Variants in DNAJC14 observed in about 807,000 individuals in gnomAD.
DNAJC14 encodes the protein dnaJ homolog subfamily C member 14.
A neutral mutation model predicts 68.8 loss-of-function variants in DNAJC14; 12 were observed. The observed-to-expected ratio is 0.17, with a 90% CI of 0.11 to 0.28. DNAJC14 has a LOEUF of 0.28. Ranked by LOEUF, DNAJC14 falls within the 10% of genes least tolerant of loss-of-function variation. The pLI is 1.00. For missense variants in DNAJC14, 764 were observed against 875.6 expected (o/e 0.87, Z 1.61); for synonymous variants, 350 against 321.5 (o/e 1.09, Z -0.95).
chr12:55,829,465 A>T, intron 1 of DNAJC14, 24 bp downstream of exon 1: 1 of 618,194 alleles, frequency 1.6e-6, no homozygotes, highest in Non-Finnish European at 2.0e-6. Context: ...AAAAAAACGA[A>T]AAAAAAAAAA....
At chr12:55,825,564 G>A (rs1453687344) in intron 2 of DNAJC14, among the ~76,000 whole-genome samples, 1 of 89,588 alleles carries the variant, frequency 1.1e-5, no homozygotes, top group African/African-American at 3.8e-5. Flanking sequence ...TTTTTTTTGA[G>A]ACGGTGTCTT....
In DNAJC14 at chr12:55,821,887, G is replaced by T; in HGVS notation, c.*90C>A. Reference sequence around the variant, plus strand: ...TAAAAAGAAAAAGATTCAGTTCCTAGGTGTTGGGGGAGGAGGGATAAATCA... The same window carrying T: ...TAAAAAGAAAAAGATTCAGTTCCTATGTGTTGGGGGAGGAGGGATAAATCA... On this transcript the variant is annotated 3_prime_UTR_variant, in exon 7 of 7. Transcript: ENST00000678005. 1 of 1,315,742 alleles carries T rather than the reference G, an allele frequency of 7.6e-7. No individual in the cohort carries two copies. The highest frequency in any genetic ancestry group is 1.0e-6 in the Non-Finnish European group (1 of 962,478). The allele number at this position is 1,315,742 out of a possible 1,614,324, so 81.5% of individuals were successfully genotyped here. A position where few individuals can be genotyped will look rare whatever the true frequency, so the allele number is the denominator to read the frequency against.
intron 2 of DNAJC14, among the ~76,000 whole-genome samples, chr12:55,825,346 C>T (rs1880765131): frequency 6.6e-6 from 1 of 152,078 alleles, no homozygotes; most frequent in Non-Finnish European, 1.5e-5. Flanking sequence ...CAGCTCCATA[C>T]ACTCCAGTGT....
intron 2 of DNAJC14, among the ~76,000 whole-genome samples, chr12:55,826,271 C>CTTTTTTTTT (rs1164806475): frequency 3.5e-5 from 3 of 85,798 alleles, no homozygotes; most frequent in African/African-American, 4.9e-5. Context: ...GGGAAAATAT[C>CTTTTTTTTT]TTTTTTTTTT....
chr12:55,823,393 C>T lies in DNAJC14; in HGVS notation c.1514+9G>A, dbSNP rs759095198. 1.7e-5 allele frequency: 27 copies of T among 1,613,964 alleles called. No homozygotes were observed. The highest frequency in any genetic ancestry group is 2.2e-5 in the Non-Finnish European group (26 of 1,179,880). Reference sequence around the variant, plus strand: ...ACCATTATCTGATGATTTCCCATCTCCAACTTACATCTCATACTCCTTTCG... The same window carrying T: ...ACCATTATCTGATGATTTCCCATCTTCAACTTACATCTCATACTCCTTTCG... On this transcript the variant is annotated intron_variant, in intron 3 of 6. Coordinates refer to ENST00000678005, the MANE Select transcript of DNAJC14 (RefSeq NM_032364.6).
chr12:55,827,477 A>C lies in DNAJC14; in HGVS notation c.1182T>G (p.Val394=). 1 of 1,604,792 alleles carries C rather than the reference A, an allele frequency of 6.2e-7. No individual in the cohort carries two copies. The highest frequency in any genetic ancestry group is 8.5e-7 in the Non-Finnish European group (1 of 1,172,570). Residue 394 remains valine, a synonymous_variant, in exon 2 of 7, where the codon GTT becomes GTG. Coordinates refer to ENST00000678005, the MANE Select transcript of DNAJC14 (RefSeq NM_032364.6). ...AAGGCAACTCCAGCCAGCCCCACTG[A>C]ACTATTCTTACCAGCCGCTGCCATG... is the stretch of plus-strand genomic sequence containing the variant. ...SRPWQRLVRI[V]QWGWLELPWV... is the part of the protein sequence containing the mutation.
At position 55,823,090 on chromosome 12, in the gene DNAJC14, G is replaced by A; in HGVS notation, c.1614C>T (p.Ser538=). 2 of 1,614,014 alleles carry A rather than the reference G, an allele frequency of 1.2e-6. No individual in the cohort carries two copies. Among genetic ancestry groups the A allele is most frequent in the South Asian group, 1.1e-5 (1 of 91,072 alleles). The change falls in exon 4 of 7, where the codon AGC becomes AGT. Residue 538 remains serine (S), a synonymous_variant. Coordinates refer to ENST00000678005, the MANE Select transcript of DNAJC14 (RefSeq NM_032364.6). ...LKEAMNTMMC[S]RCQGKHRRFE... ...CATACCTATGCTTTCCTTGGCATCGGCTACACATCATAGTATTCATTGCCT... is the reference window on the plus strand; with the variant it reads ...CATACCTATGCTTTCCTTGGCATCGACTACACATCATAGTATTCATTGCCT...
rs750129470 is a variant in DNAJC14, at chr12:55,822,399, C to T, written c.1872G>A (p.Arg624=). ...TCTGCCGCCCTCTGGTGCCTGGAAT[C>T]CGAGAACCAAATGAGATGTGATAGG... ...RVPYHISFGS[R]IPGTRGRQRA... Residue 624 remains arginine, a synonymous_variant, in exon 6 of 7, where the codon CGG becomes CGA. Coordinates refer to ENST00000678005, the MANE Select transcript of DNAJC14 (RefSeq NM_032364.6). The T allele has an allele frequency of 8.7e-6, 14 of 1,613,092 alleles. No homozygotes were observed. The highest frequency in any genetic ancestry group is 1.2e-5 in the Non-Finnish European group (14 of 1,180,020).
chr12:55,825,874 A>G (rs1880782141), intron 2 of DNAJC14, among the ~76,000 whole-genome samples: 1 of 152,000 alleles, frequency 6.6e-6, no homozygotes, highest in African/African-American at 2.4e-5. Context: ...AAAAGCAACC[A>G]TATTTTCATG....
chr12:55,828,598 A>C lies in DNAJC14; in HGVS notation c.61T>G (p.Ser21Ala), dbSNP rs139087673. Residue 21 changes from serine (S) to alanine (A), a missense_variant, in exon 2 of 7, where the codon TCC becomes GCC. By Grantham distance (99) the Ser-to-Ala change is moderately conservative (BLOSUM62 1). This residue lies in a region of DNAJC14 where 514 missense variants were observed against 521.7 expected (regional missense o/e 0.99). Coordinates refer to ENST00000678005, the MANE Select transcript of DNAJC14 (RefSeq NM_032364.6). Reference sequence around the variant, plus strand: ...ACGGAGGGTCCTAAAGTCCTGAGGGAGGCACCACCACTGTGGTGGGCTCCA... The same window carrying C: ...ACGGAGGGTCCTAAAGTCCTGAGGGCGGCACCACCACTGTGGTGGGCTCCA... ...LYGAHHSGGASLRTLGPSVDP... is the reference protein window; with the variant it reads ...LYGAHHSGGAALRTLGPSVDP... The C allele has an allele frequency of 3.1e-6, 5 of 1,613,860 alleles. No homozygotes were observed. In the African/African-American group the frequency reaches 6.7e-5, roughly 22 times the overall value.
chr12:55,824,217 G>C (rs1490125356), intron 2 of DNAJC14, among the ~76,000 whole-genome samples: 2 of 152,022 alleles, frequency 1.3e-5, no homozygotes, highest in East Asian at 3.8e-4. Context: ...AGGGACAGTT[G>C]GTCTCTGGCA....
intron 2 of DNAJC14, 87 bp from the exon 3 acceptor site, chr12:55,823,595 A>G: frequency 8.4e-7 from 1 of 1,185,168 alleles, no homozygotes; most frequent in Non-Finnish European, 1.2e-6. Context: ...GTTCTCTTTC[A>G]TCACCCTTTT....
intron 1 of DNAJC14, 61 bp from the exon 2 acceptor site, chr12:55,828,775 C>T: frequency 7.0e-7 from 1 of 1,418,484 alleles, no homozygotes; most frequent in Non-Finnish European, 9.2e-7. Flanking sequence ...ATTAAACAAT[C>T]TCAAATAGTG....
chr12:55,823,271 CT>C (rs1880716605), intron 3 of DNAJC14, 82 bp from the exon 4 acceptor site: 1 of 1,603,282 alleles, frequency 6.2e-7, no homozygotes, highest in Non-Finnish European at 8.5e-7. Context: ...CTTGAGGCCC[CT>C]GTCTAGCGAG....
At position 55,828,135 on chromosome 12, in the gene DNAJC14, T is replaced by A. The variant is rs762281411; in HGVS notation, c.524A>T (p.Glu175Val). The part of the protein sequence containing the change: ...DELEEEYDDE[E>V]SLKFPSDFSR... ...AAAATCACTGGGGAACTTGAGAGAT[T>A]CTTCATCATCATATTCCTCTTCCAA... The change falls in exon 2 of 7, where the codon GAA becomes GTA. Residue 175 changes from glutamate to valine, a missense_variant. Around this residue, in one of 4 missense-constraint regions of DNAJC14, gnomAD observed 514 missense variants for 521.7 expected, o/e 0.99. Transcript: ENST00000678005. 6.8e-6 allele frequency: 11 copies of A among 1,608,576 alleles called. No individual in the cohort carries two copies. The South Asian group carries it at 1.2e-4, about 18-fold the overall frequency.
Position 55,828,635 on chromosome 12 carries a change from T to G in DNAJC14, c.24A>C (p.Glu8Asp). 6.2e-7 allele frequency: 1 copy of G among 1,613,474 alleles called. No homozygotes were observed. The highest frequency in any genetic ancestry group is 8.5e-7 in the Non-Finnish European group (1 of 1,179,536). The change falls in exon 2 of 7, where the codon GAA becomes GAC. Residue 8 changes from glutamate (E) to aspartate (D), a missense_variant. By Grantham distance (45) the Glu-to-Asp change is conservative. This residue lies in a region of DNAJC14 where 514 missense variants were observed against 521.7 expected (regional missense o/e 0.99). Coordinates refer to ENST00000678005, the MANE Select transcript of DNAJC14 (RefSeq NM_032364.6). The stretch of plus-strand genomic sequence containing the variant: ...TGTGGTGGGCTCCATACAACCCTCT[T>G]TCTCCGGGGTGCTTCTGGGCCATGA... MAQKHPG[E>D]RGLYGAHHSG...
intron 2 of DNAJC14, among the ~76,000 whole-genome samples, chr12:55,825,633 T>C (rs955279228): frequency 4.2e-5 from 6 of 143,428 alleles, no homozygotes; most frequent in African/African-American, 1.3e-4. Context: ...AAGCTCTGCC[T>C]CCCAGGTTTA....
Position 55,828,227 on chromosome 12 carries a change from C to T in DNAJC14, c.432G>A (p.Glu144=). The T allele has an allele frequency of 1.2e-6, 2 of 1,609,526 alleles. No individual in the cohort carries two copies. The highest frequency in any genetic ancestry group is 8.5e-7 in the Non-Finnish European group (1 of 1,177,996). The change falls in exon 2 of 7, where the codon GAG becomes GAA. Residue 144 remains glutamate (E), a synonymous_variant. Coordinates refer to ENST00000678005, the MANE Select transcript of DNAJC14 (RefSeq NM_032364.6). ...TPGIPEGPYS[E]GGNGSSSNFC... is the part of the protein sequence containing the mutation. ...AGTTGCTAGAAGAACCATTTCCTCC[C>T]TCAGAGTAAGGCCCTTCTGGAATTC...
Position 55,826,271 on chromosome 12 carries a change from C to CTTTT in DNAJC14, c.1407+977_1407+980dup, listed in dbSNP as rs1164806475. Reference sequence around the variant, plus strand: ...GATCCCATAGTGGAGGGGAAAATATCTTTTTTTTTTTTTTTTTTTTTTTTG... The same window carrying CTTTT: ...GATCCCATAGTGGAGGGGAAAATATCTTTTTTTTTTTTTTTTTTTTTTTTTTTTG... On this transcript the variant is annotated intron_variant, in intron 2 of 6. Coordinates refer to ENST00000678005, the MANE Select transcript of DNAJC14 (RefSeq NM_032364.6). Among the ~76,000 whole-genome samples, 90 of 85,760 alleles carry CTTTT rather than the reference C, an allele frequency of 1.0e-3. 4 individuals are homozygous for CTTTT. Among genetic ancestry groups the CTTTT allele is most frequent in the African/African-American group, 2.5e-3 (50 of 20,290 alleles). The allele number at this position is 85,760 out of a possible 152,430, so 56.3% of individuals were successfully genotyped here. A position where few individuals can be genotyped will look rare whatever the true frequency, so the allele number is the denominator to read the frequency against.
Sources: gnomAD v4.1 joint callset for allele counts (sites outside exome capture counted in the v4.1 genomes callset) on GRCh38, gnomAD v4.1.1 for gene constraint, gnomAD v4.1.1 regional missense constraint, MANE v1.5 for transcripts, NCBI Gene and HGNC (gene_info 2026-07-23, HGNC 2026-07-21) for gene names.